Variants in FSHR observed in about 807,000 individuals in gnomAD.
The protein encoded by FSHR is follicle-stimulating hormone receptor.
A neutral mutation model predicts 52.1 loss-of-function variants in FSHR; 46 were observed. That is an observed-to-expected ratio of 0.88 (90% CI 0.70 to 1.13). FSHR has a LOEUF of 1.13. Ranked by LOEUF, FSHR falls within the 50% of genes most tolerant of loss-of-function variation. The probability of loss-of-function intolerance (pLI) is 0.00; values close to 1 mark genes in which losing one functional copy is unlikely to be tolerated. For missense variants in FSHR, 964 were observed against 834.6 expected, an observed-to-expected ratio of 1.16 and a Z score of -1.91; for synonymous variants, 399 against 309.6, an observed-to-expected ratio of 1.29 and a Z score of -3.03.
chr2:49,134,139 G>A (rs933380687), intron 1 of FSHR, among the ~76,000 whole-genome samples: 3 of 152,118 alleles, frequency 2.0e-5, no homozygotes, highest in African/African-American at 7.2e-5. Flanking sequence ...GCAACCTACA[G>A]AATGGGAGAA....
At chr2:49,140,791 A>T (rs1045027727) in intron 1 of FSHR, among the ~76,000 whole-genome samples, 2 of 151,688 alleles carry the variant, frequency 1.3e-5, no homozygotes, top group East Asian at 1.9e-4. Context: ...TAGATCAATA[A>T]TTTTTTTTTC....
intron 2 of FSHR, among the ~76,000 whole-genome samples, chr2:49,062,339 TG>T (rs1669342024): frequency 6.6e-6 from 1 of 152,166 alleles, no homozygotes; most frequent in South Asian, 2.1e-4. Context: ...CAATGAGTTG[TG>T]CTGGGACAAC....
At chr2:49,135,360 C>G (rs1672453694) in intron 1 of FSHR, among the ~76,000 whole-genome samples, 1 of 151,900 alleles carries the variant, frequency 6.6e-6, no homozygotes, top group Non-Finnish European at 1.5e-5. Context: ...GCACAATACT[C>G]AATAACAAAT....
At chr2:49,069,833 G>T (rs537531785) in intron 1 of FSHR, among the ~76,000 whole-genome samples, 3 of 152,026 alleles carry the variant, frequency 2.0e-5, no homozygotes, top group Non-Finnish European at 4.4e-5. Context: ...TCTTTAACAC[G>T]TCCTTTTACA....
intron 2 of FSHR, among the ~76,000 whole-genome samples, chr2:49,063,827 A>C (rs1669404679): frequency 6.6e-6 from 1 of 152,166 alleles, no homozygotes; most frequent in African/African-American, 2.4e-5. Context: ...GCAGATTTTG[A>C]ATGTTTCCAA....
rs1375820143 is a variant in FSHR, at chr2:49,126,227, AG to A, written c.152+28038del. On this transcript the variant is annotated intron_variant, in intron 1 of 9. Coordinates refer to ENST00000406846, the MANE Select transcript of FSHR (RefSeq NM_000145.4). ...TTGGAAGCTGAAAAGTCCAAGAGTGAGGGTCCCATGTCTGTCAAGGGCCTTT... is the reference window on the plus strand; with the variant it reads ...TTGGAAGCTGAAAAGTCCAAGAGTGAGGTCCCATGTCTGTCAAGGGCCTTT... Among the ~76,000 whole-genome samples, 3 of 152,186 alleles carry A rather than the reference AG, an allele frequency of 2.0e-5. No individual in the cohort carries two copies. The South Asian group carries it at 6.2e-4, about 32-fold the overall frequency.
chr2:49,150,461 T>C (rs1162983808), intron 1 of FSHR, among the ~76,000 whole-genome samples: 1 of 152,084 alleles, frequency 6.6e-6, no homozygotes, highest in Non-Finnish European at 1.5e-5. Context: ...GAGAGCAACA[T>C]TATTATCATC....
Position 48,990,629 on chromosome 2 carries a change from G to C in FSHR, c.383C>G (p.Ser128Cys). Reference protein sequence around the residue: ...NLPNLQYLLISNTGIKHLPDV... With the variant: ...NLPNLQYLLICNTGIKHLPDV... ...TGGAAGGTGCTTAATACCTGTGTTG[G>C]ATATTAACCTAGAGAGAAACAAAAT... Residue 128 changes from serine (S) to cysteine (C), a missense_variant, in exon 5 of 10, where the codon TCC (serine) becomes TGC (cysteine). Physicochemically the swap from Ser to Cys is moderately radical, Grantham distance 112. Transcript: ENST00000406846. 1 of 1,604,492 alleles carries C rather than the reference G, an allele frequency of 6.2e-7. No homozygotes were observed. Among genetic ancestry groups the C allele is most frequent in the Non-Finnish European group, 8.5e-7 (1 of 1,171,386 alleles).
intron 4 of FSHR, among the ~76,000 whole-genome samples, chr2:49,013,202 G>T (rs886784030): frequency 2.6e-5 from 4 of 151,332 alleles, no homozygotes; most frequent in African/African-American, 9.7e-5. Context: ...TGCAAGCCAG[G>T]AACCAAATTG....
intron 2 of FSHR, among the ~76,000 whole-genome samples, chr2:49,058,424 G>A (rs1164324425): frequency 6.6e-6 from 1 of 152,072 alleles, no homozygotes; most frequent in Non-Finnish European, 1.5e-5. Context: ...GTGCATGCCT[G>A]TAGTCCCAGC....
At chr2:48,985,117 GATGACGA>G (rs1289100194) in intron 6 of FSHR, among the ~76,000 whole-genome samples, 15 of 152,072 alleles carry the variant, frequency 9.9e-5, no homozygotes, top group African/African-American at 3.4e-4. Flanking sequence ...TGATGACGAT[GATGACGA>G]TGATGACGAT....
chr2:49,092,940 A>T (rs1421047277), intron 1 of FSHR, among the ~76,000 whole-genome samples: 1 of 152,244 alleles, frequency 6.6e-6, no homozygotes, highest in Non-Finnish European at 1.5e-5. Context: ...TGCTCGGATT[A>T]CAGGCATGAG....
chr2:49,101,238 A>C (rs2103723240), intron 1 of FSHR, among the ~76,000 whole-genome samples: 1 of 152,234 alleles, frequency 6.6e-6, no homozygotes, highest in African/African-American at 2.4e-5. Flanking sequence ...CTAGAGGGAG[A>C]GAAAGTCAAA....
rs1258874323 is a variant in FSHR, at chr2:48,963,606, G to A, written c.1215C>T (p.Ala405=). The A allele has an allele frequency of 2.5e-6, 4 of 1,614,190 alleles. No individual in the cohort carries two copies. The highest frequency in any genetic ancestry group is 3.4e-6 in the Non-Finnish European group (4 of 1,180,020). The stretch of plus-strand genomic sequence containing the variant: ...AGATTCCAATGCAGAGATCAGCAAA[G>A]GCCAGGTTGCACATAAGGAACCTGG... ...TVPRFLMCNL[A]FADLCIGIYL... Residue 405 remains alanine (A), a synonymous_variant, in exon 10 of 10, where the codon GCC becomes GCT. Transcript: ENST00000406846.
chr2:49,021,693 C>T (rs891989290), intron 2 of FSHR, among the ~76,000 whole-genome samples: 3 of 151,606 alleles, frequency 2.0e-5, no homozygotes, highest in Admixed American at 2.0e-4. Context: ...GGCCATTTCT[C>T]AGAAGCCCCC....
At chr2:49,079,122 T>C (rs59833917) in intron 1 of FSHR, among the ~76,000 whole-genome samples, 5,820 of 152,032 alleles carry the variant, frequency 0.038, 353 homozygotes, top group African/African-American at 0.13. Flanking sequence ...TTAAACTATA[T>C]CAATTACAGT....
rs142862581 is a variant in FSHR, at chr2:49,104,374, G to T, written c.153-36084C>A. Among the ~76,000 whole-genome samples, 584 of 152,238 alleles carry T rather than the reference G, an allele frequency of 3.8e-3. 7 individuals carry two copies. Among genetic ancestry groups the T allele is most frequent in the African/African-American group, 0.013 (541 of 41,554 alleles). ...GAGGCCCCCTGAACCCGAACTCTTT[G>T]TGAAGGGGGAAGAGTTTCCTTTGTT... On this transcript the variant is annotated intron_variant, in intron 1 of 9. Transcript: ENST00000406846.
At chr2:49,133,555 T>A (rs896667262) in intron 1 of FSHR, among the ~76,000 whole-genome samples, 1 of 152,240 alleles carries the variant, frequency 6.6e-6, no homozygotes, top group South Asian at 2.1e-4. Flanking sequence ...CTTCACAGAA[T>A]TGGAAAAAAC....
At chr2:48,971,546 A>C (rs1232386600) in intron 8 of FSHR, among the ~76,000 whole-genome samples, 1 of 152,130 alleles carries the variant, frequency 6.6e-6, no homozygotes, top group Non-Finnish European at 1.5e-5. Flanking sequence ...CATTTTCAGA[A>C]CAATTACCTT....
Sources: allele counts gnomAD v4.1 joint callset (sites outside exome capture counted in the v4.1 genomes callset), GRCh38; gene constraint gnomAD v4.1.1; transcripts MANE v1.5; gene names NCBI Gene and HGNC (gene_info 2026-07-23, HGNC 2026-07-21).